Variants in RPTOR observed in about 807,000 individuals in gnomAD.
RPTOR encodes regulatory associated protein of MTOR complex 1.
Under a neutral mutation model 169.9 loss-of-function variants are expected in RPTOR, and 21 were observed. The observed-to-expected ratio is 0.12, with a 90% CI of 0.09 to 0.18. The LOEUF is 0.18. Ranked by LOEUF, RPTOR falls within the 10% of genes least tolerant of loss-of-function variation. RPTOR has a pLI of 1.00. For missense variants in RPTOR, 1,133 were observed against 1,855.9 expected, an observed-to-expected ratio of 0.61 and a Z score of 7.16; for synonymous variants, 732 against 753.2, an observed-to-expected ratio of 0.97 and a Z score of 0.46.
intron 2 of RPTOR, among the ~76,000 whole-genome samples, chr17:80,640,856 G>A (rs748398900): frequency 3.9e-5 from 6 of 152,182 alleles, no homozygotes; most frequent in African/African-American, 1.4e-4. Context: ...GTGAGCCACC[G>A]CTGACCGTCG....
At chr17:80,607,596 CATTT>C (rs1437795567) in intron 1 of RPTOR, among the ~76,000 whole-genome samples, 1 of 60,882 alleles carries the variant, frequency 1.6e-5, no homozygotes, top group East Asian at 3.1e-4. Context: ...GTATATATGC[CATTT>C]ATATATATAT....
At position 80,753,251 on chromosome 17, in the gene RPTOR, C is replaced by T. The variant is rs115885421; in HGVS notation, c.655-759C>T. ...ACTCAAACTCACATTTTGTGGTTTGCCTTTGTGTTGGTGATGGAGTTCACA... is the reference window on the plus strand; with the variant it reads ...ACTCAAACTCACATTTTGTGGTTTGTCTTTGTGTTGGTGATGGAGTTCACA... On this transcript the variant is annotated intron_variant, in intron 5 of 33. Coordinates refer to ENST00000306801, the MANE Select transcript of RPTOR (RefSeq NM_020761.3). Among the ~76,000 whole-genome samples, 723 of 152,280 alleles carry T rather than the reference C, an allele frequency of 4.7e-3. 4 individuals are homozygous for T. The highest frequency in any genetic ancestry group is 0.016 in the African/African-American group (682 of 41,564).
At chr17:80,643,608 G>A in intron 2 of RPTOR, 120 bp from the exon 3 acceptor site, 1 of 680,750 alleles carries the variant, frequency 1.5e-6, no homozygotes, top group East Asian at 2.8e-5. Context: ...TAGGCGTTGT[G>A]TTACTTTTAG....
intron 1 of RPTOR, among the ~76,000 whole-genome samples, chr17:80,600,112 G>A (rs1478793721): frequency 6.6e-6 from 1 of 152,160 alleles, no homozygotes; most frequent in Non-Finnish European, 1.5e-5. Context: ...CCTTTCAGCT[G>A]GAGGAGAGGC....
At chr17:80,632,874 A>G (rs2065452635) in intron 2 of RPTOR, among the ~76,000 whole-genome samples, 1 of 152,132 alleles carries the variant, frequency 6.6e-6, no homozygotes, top group Admixed American at 6.5e-5. Flanking sequence ...GCGTGATCAT[A>G]GCTCACTGCA....
At chr17:80,733,816 A>T (rs973290024) in intron 5 of RPTOR, among the ~76,000 whole-genome samples, 13 of 151,890 alleles carry the variant, frequency 8.6e-5, no homozygotes, top group African/African-American at 3.1e-4. Flanking sequence ...CCTCTTATTC[A>T]CTCTATTGGG....
At chr17:80,647,330 A>G (rs2065603989) in intron 3 of RPTOR, among the ~76,000 whole-genome samples, 1 of 152,248 alleles carries the variant, frequency 6.6e-6, no homozygotes, top group African/African-American at 2.4e-5. Context: ...TCATTCCATC[A>G]TAAGTCTCAA....
chr17:80,678,898 G>A (rs1394125381), intron 3 of RPTOR, among the ~76,000 whole-genome samples: 2 of 152,182 alleles, frequency 1.3e-5, no homozygotes, highest in East Asian at 1.9e-4. Context: ...GTCCATGCCC[G>A]ACAAGCCAGT....
chr17:80,715,584 TG>T (rs892051376), intron 4 of RPTOR, among the ~76,000 whole-genome samples: 29 of 129,750 alleles, frequency 2.2e-4, no homozygotes, highest in Admixed American at 1.8e-3. Flanking sequence ...TTTATTTTTA[TG>T]TTTTTTTTTT....
chr17:80,800,616 A>T (rs1419046834), intron 7 of RPTOR, among the ~76,000 whole-genome samples: 1 of 152,210 alleles, frequency 6.6e-6, no homozygotes, highest in Non-Finnish European at 1.5e-5. Flanking sequence ...TAGCAGCCTG[A>T]TGAATAAGCT....
At chr17:80,774,999 C>T (rs1240851245) in intron 6 of RPTOR, among the ~76,000 whole-genome samples, 1 of 152,206 alleles carries the variant, frequency 6.6e-6, no homozygotes, top group Non-Finnish European at 1.5e-5. Context: ...CCCTCGGGCT[C>T]CTGGGCCTGT....
intron 21 of RPTOR, among the ~76,000 whole-genome samples, chr17:80,920,423 A>G (rs902351138): frequency 6.6e-6 from 1 of 152,176 alleles, no homozygotes; most frequent in Admixed American, 6.5e-5. Flanking sequence ...AAGTGGTGGA[A>G]AATTAGTTTT....
At chr17:80,863,104 G>A (rs1319363988) in intron 13 of RPTOR, among the ~76,000 whole-genome samples, 1 of 152,210 alleles carries the variant, frequency 6.6e-6, no homozygotes, top group Non-Finnish European at 1.5e-5. Flanking sequence ...GGGCTCGGGC[G>A]GAAGAAAAGA....
chr17:80,556,587 T>C (rs1599545750), intron 1 of RPTOR, among the ~76,000 whole-genome samples: 1 of 152,186 alleles, frequency 6.6e-6, no homozygotes, highest in Non-Finnish European at 1.5e-5. Context: ...CGATAGAGCA[T>C]GGATCCTACT....
At chr17:80,794,943 TG>T (rs1305856558) in intron 7 of RPTOR, among the ~76,000 whole-genome samples, 12 of 152,000 alleles carry the variant, frequency 7.9e-5, no homozygotes, top group African/African-American at 2.9e-4. Flanking sequence ...GGGAGGGGCC[TG>T]GGGGTGATGT....
At chr17:80,851,530 C>T (rs1318671090) in intron 11 of RPTOR, among the ~76,000 whole-genome samples, 1 of 152,100 alleles carries the variant, frequency 6.6e-6, no homozygotes, top group African/African-American at 2.4e-5. Flanking sequence ...ACCTTTCCGC[C>T]AATACTCTTT....
chr17:80,934,026 A>G (rs564062751), intron 24 of RPTOR, among the ~76,000 whole-genome samples: 9 of 150,562 alleles, frequency 6.0e-5, no homozygotes, highest in Non-Finnish European at 1.2e-4. Flanking sequence ...TCACTACTTT[A>G]TGTCCATAAA....
intron 1 of RPTOR, among the ~76,000 whole-genome samples, chr17:80,574,380 A>C (rs1799713801): frequency 6.6e-6 from 1 of 150,810 alleles, no homozygotes; most frequent in Non-Finnish European, 1.5e-5. Flanking sequence ...GTTAGCCAGG[A>C]TGGTCTCGAT....
At chr17:80,842,239 C>T (rs1291175054) in intron 10 of RPTOR, among the ~76,000 whole-genome samples, 1 of 152,236 alleles carries the variant, frequency 6.6e-6, no homozygotes, top group East Asian at 1.9e-4. Flanking sequence ...TTGGTCCTCC[C>T]TTTGAAATGT....
Sources: gnomAD v4.1 joint callset for allele counts (sites outside exome capture counted in the v4.1 genomes callset) on GRCh38, gnomAD v4.1.1 for gene constraint, MANE v1.5 for transcripts, NCBI Gene and HGNC (gene_info 2026-07-23, HGNC 2026-07-21) for gene names.